The following RFX7 variants were observed in gnomAD, a reference collection of about 807,000 sequenced individuals.
RFX7 encodes DNA-binding protein RFX7.
A neutral mutation model predicts 111.8 loss-of-function variants in RFX7; 26 were observed. That is an observed-to-expected ratio of 0.23 (90% CI 0.17 to 0.32). The LOEUF (loss-of-function observed/expected upper bound fraction) is 0.32. Among genes scored for constraint, RFX7 ranks in the 10% least tolerant of loss-of-function variants. The pLI is 1.00. For synonymous variants in RFX7, 624 were observed against 624.4 expected, an observed-to-expected ratio of 1.00 and a Z score of 0.01; for missense variants, 1,573 against 1,772.9, an observed-to-expected ratio of 0.89 and a Z score of 2.02.
intron 5 of RFX7, among the ~76,000 whole-genome samples, chr15:56,117,630 C>T (rs1480563615): frequency 1.3e-5 from 2 of 152,086 alleles, no homozygotes; most frequent in Admixed American, 6.5e-5. Flanking sequence ...TTCCTATCCC[C>T]ATCCCCTTTC....
At chr15:56,181,409 T>C (rs2042971945) in intron 2 of RFX7, among the ~76,000 whole-genome samples, 1 of 152,232 alleles carries the variant, frequency 6.6e-6, no homozygotes, top group Admixed American at 6.5e-5. Flanking sequence ...TTTTTCATCA[T>C]TGCACTTATC....
chr15:56,232,306 A>G (rs954286912), intron 2 of RFX7, among the ~76,000 whole-genome samples: 5 of 152,306 alleles, frequency 3.3e-5, no homozygotes, highest in Admixed American at 3.3e-4. Context: ...GTTTCCATAC[A>G]TCCTCTGAAA....
At chr15:56,108,738 GAAGAGACA>G (rs756728180) in intron 5 of RFX7, among the ~76,000 whole-genome samples, 2 of 152,140 alleles carry the variant, frequency 1.3e-5, no homozygotes, top group Non-Finnish European at 2.9e-5. Flanking sequence ...ATTTAAATAG[GAAGAGACA>G]AAGTCAAACT....
chr15:56,227,866 C>G (rs1567053512), intron 2 of RFX7, among the ~76,000 whole-genome samples: 1 of 152,094 alleles, frequency 6.6e-6, no homozygotes, highest in Non-Finnish European at 1.5e-5. Flanking sequence ...CTCTGAAGAC[C>G]TCTTCACATT....
intron 5 of RFX7, among the ~76,000 whole-genome samples, chr15:56,106,943 T>C (rs1161788492): frequency 1.3e-5 from 2 of 152,090 alleles, no homozygotes; most frequent in African/African-American, 4.8e-5. Context: ...AGATTATACT[T>C]TGCAAGACTC....
rs540354275 is a variant in RFX7, at chr15:56,173,102, G to GGA, written c.195+6166_195+6167dup. Among the ~76,000 whole-genome samples the GGA allele has an allele frequency of 1.8e-4, 27 of 152,276 alleles. No individual in the cohort carries two copies. The South Asian group carries it at 5.4e-3, about 30-fold the overall frequency. On this transcript the variant is annotated intron_variant, in intron 3 of 9. Transcript: ENST00000559447. ...GGCAGTACTGCAGAGCTAAAGAGAA[G>GGA]GAGGTTAGTGTTCGAGGTGGCAAAG...
chr15:56,125,295 A>C (rs914745660), intron 5 of RFX7, among the ~76,000 whole-genome samples: 2 of 152,040 alleles, frequency 1.3e-5, no homozygotes, highest in African/African-American at 4.8e-5. Flanking sequence ...TGAGCCTTCC[A>C]GTTTTGTTCT....
intron 2 of RFX7, among the ~76,000 whole-genome samples, chr15:56,222,494 T>C (rs1420678342): frequency 6.6e-6 from 1 of 152,230 alleles, no homozygotes; most frequent in African/African-American, 2.4e-5. Flanking sequence ...TACACATATA[T>C]TGGCCCACGA....
At chr15:56,203,303 A>G (rs1406736746) in intron 2 of RFX7, among the ~76,000 whole-genome samples, 1 of 152,228 alleles carries the variant, frequency 6.6e-6, no homozygotes, top group Non-Finnish European at 1.5e-5. Flanking sequence ...CTTCTTCCTA[A>G]TATCTGTAGG....
intron 5 of RFX7, among the ~76,000 whole-genome samples, chr15:56,118,390 AT>A (rs2042035611): frequency 6.6e-6 from 1 of 152,018 alleles, no homozygotes; most frequent in African/African-American, 2.4e-5. Flanking sequence ...CTGTATCTCC[AT>A]GAGTTCAATT....
chr15:56,182,061 A>G (rs1054275728), intron 2 of RFX7, among the ~76,000 whole-genome samples: 1 of 151,722 alleles, frequency 6.6e-6, no homozygotes, highest in Non-Finnish European at 1.5e-5. Flanking sequence ...AGAAGAGACC[A>G]CTATCTAGTT....
intron 2 of RFX7, among the ~76,000 whole-genome samples, chr15:56,218,021 T>G (rs1407449421): frequency 1.3e-5 from 2 of 151,916 alleles, no homozygotes; most frequent in African/African-American, 4.8e-5. Flanking sequence ...AAGAGATGGT[T>G]GTGCCTGTAC....
chr15:56,191,793 T>C (rs2043103221), intron 2 of RFX7, among the ~76,000 whole-genome samples: 1 of 152,140 alleles, frequency 6.6e-6, no homozygotes, highest in South Asian at 2.1e-4. Flanking sequence ...AGCCCACCCA[T>C]GCAGCAGCAG....
chr15:56,230,739 T>C (rs944620025), intron 2 of RFX7, among the ~76,000 whole-genome samples: 4 of 152,238 alleles, frequency 2.6e-5, no homozygotes, highest in South Asian at 2.1e-4. Context: ...AAGGTCAATG[T>C]GTACTACAGT....
chr15:56,209,426 G>C (rs1355785750), intron 2 of RFX7, among the ~76,000 whole-genome samples: 1 of 152,052 alleles, frequency 6.6e-6, no homozygotes, highest in Non-Finnish European at 1.5e-5. Flanking sequence ...ACTGTAAAAG[G>C]AATTCTTTAG....
intron 2 of RFX7, among the ~76,000 whole-genome samples, chr15:56,204,019 C>CTTT (rs139030100): frequency 3.8e-4 from 46 of 120,824 alleles, no homozygotes; most frequent in African/African-American, 7.6e-4. Flanking sequence ...GTAACAAAAC[C>CTTT]TTTTTTTTTT....
intron 2 of RFX7, among the ~76,000 whole-genome samples, chr15:56,179,810 AC>A (rs1280698502): frequency 5.4e-5 from 7 of 129,888 alleles, no homozygotes; most frequent in African/African-American, 2.3e-4. Flanking sequence ...ACACACACAC[AC>A]ACCAGTAACA....
intron 5 of RFX7, among the ~76,000 whole-genome samples, chr15:56,110,460 G>T (rs1220650202): frequency 7.6e-6 from 1 of 131,250 alleles, no homozygotes; most frequent in Non-Finnish European, 1.6e-5. Flanking sequence ...TCCGGGAGGC[G>T]AGGGGAGCCT....
chr15:56,126,037 A>G (rs1215486339), intron 5 of RFX7, among the ~76,000 whole-genome samples: 1 of 152,150 alleles, frequency 6.6e-6, no homozygotes, highest in Non-Finnish European at 1.5e-5. Context: ...CTGTGTTTTC[A>G]TAGTTTTTAT....
Sources: gnomAD v4.1 joint callset for allele counts (sites outside exome capture counted in the v4.1 genomes callset) on GRCh38, gnomAD v4.1.1 for gene constraint, MANE v1.5 for transcripts, NCBI Gene and HGNC (gene_info 2026-07-23, HGNC 2026-07-21) for gene names.